The following FNIP2 variants were observed in gnomAD, a reference collection of about 807,000 sequenced individuals.
The protein encoded by FNIP2 is folliculin interacting protein 2.
Under a neutral mutation model 108.7 loss-of-function variants are expected in FNIP2, and 32 were observed. The ratio of observed to expected loss-of-function variants is 0.29; its 90% CI spans 0.22 to 0.40. The LOEUF is 0.40. Among genes scored for constraint, FNIP2 ranks in the 10% least tolerant of loss-of-function variants. FNIP2 has a pLI of 1.00. For synonymous variants in FNIP2, 480 were observed against 496.7 expected (o/e 0.97, Z 0.45); for missense variants, 1,202 against 1,381.6 (o/e 0.87, Z 2.06).
Position 158,901,128 on chromosome 4 carries a change from AT to A in FNIP2, c.3267-3316del, listed in dbSNP as rs140017298. On this transcript the variant is annotated intron_variant, in intron 16 of 16. Coordinates refer to ENST00000264433, the MANE Select transcript of FNIP2 (RefSeq NM_020840.3). ...GCTGGATATGAAATTCTGGGTTGAA[AT>A]TTTTTTTTTTTTTTTTTTTTTGAGA... 7.6e-3 allele frequency among the ~76,000 whole-genome samples: 855 copies of A among 112,278 alleles called. 11 individuals carry two copies. The highest frequency in any genetic ancestry group is 0.039 in the Admixed American group (389 of 10,096). The allele number at this position is 112,278 out of a possible 152,430, so 73.7% of individuals were successfully genotyped here.
chr4:158,833,981 GA>G, intron 6 of FNIP2: 1 of 787,926 alleles, frequency 1.3e-6, no homozygotes, highest in Non-Finnish European at 1.7e-6. Context: ...TGCCTCTCTA[GA>G]AATCCAAGGG....
intron 1 of FNIP2, among the ~76,000 whole-genome samples, chr4:158,815,407 G>A (rs1304864410): frequency 2.0e-5 from 3 of 148,506 alleles, no homozygotes; most frequent in East Asian, 3.9e-4. Context: ...TTTTGAGACG[G>A]AGTCTTGCTC....
At chr4:158,849,665 A>G (rs1481456411) in intron 7 of FNIP2, among the ~76,000 whole-genome samples, 5 of 151,970 alleles carry the variant, frequency 3.3e-5, no homozygotes, top group African/African-American at 1.2e-4. Flanking sequence ...CTCTCTTCTA[A>G]CTCCTTTCAA....
intron 1 of FNIP2, among the ~76,000 whole-genome samples, chr4:158,822,842 A>G (rs1578866841): frequency 6.6e-6 from 1 of 152,222 alleles, no homozygotes; most frequent in Non-Finnish European, 1.5e-5. Context: ...GGATCAAAAA[A>G]TGAGACAATC....
chr4:158,874,772 G>C (rs1781163018), intron 14 of FNIP2, among the ~76,000 whole-genome samples: 1 of 151,970 alleles, frequency 6.6e-6, no homozygotes, highest in Non-Finnish European at 1.5e-5. Context: ...GAAAATTACT[G>C]TCAGAGATAA....
chr4:158,892,520 G>GT (rs761693701), intron 15 of FNIP2, among the ~76,000 whole-genome samples: 25 of 152,282 alleles, frequency 1.6e-4, no homozygotes, highest in Non-Finnish European at 2.9e-4. Flanking sequence ...AATCTTCTCA[G>GT]TATCTGCGTA....
chr4:158,817,751 T>A (rs1777658224), intron 1 of FNIP2, among the ~76,000 whole-genome samples: 1 of 152,222 alleles, frequency 6.6e-6, no homozygotes, highest in Non-Finnish European at 1.5e-5. Context: ...TTTCACCATG[T>A]TGGCCATGCT....
intron 1 of FNIP2, among the ~76,000 whole-genome samples, chr4:158,795,156 C>T (rs1467046730): frequency 1.3e-5 from 2 of 152,196 alleles, no homozygotes; most frequent in African/African-American, 4.8e-5. Context: ...AGTTCTTTCT[C>T]AAAGGAGCAT....
chr4:158,875,093 A>G (rs986015509), intron 14 of FNIP2, among the ~76,000 whole-genome samples: 1 of 151,938 alleles, frequency 6.6e-6, no homozygotes, highest in Admixed American at 6.6e-5. Context: ...TCTCAAAAAA[A>G]AAAAAAAAGA....
chr4:158,774,033 G>A (rs947728762), intron 1 of FNIP2, among the ~76,000 whole-genome samples: 3 of 152,110 alleles, frequency 2.0e-5, no homozygotes, highest in African/African-American at 7.2e-5. Flanking sequence ...AAAGAAAAAT[G>A]TTCTCAATAG....
intron 16 of FNIP2, among the ~76,000 whole-genome samples, chr4:158,900,779 CTT>C (rs1258437424): frequency 6.6e-6 from 1 of 152,126 alleles, no homozygotes; most frequent in African/African-American, 2.4e-5. Flanking sequence ...GGTCTTGACT[CTT>C]TATCCAGTTT....
intron 14 of FNIP2, chr4:158,872,800 A>C: frequency 1.1e-6 from 1 of 951,826 alleles, no homozygotes; most frequent in Non-Finnish European, 1.3e-6. Context: ...TTGTTGAAAA[A>C]TATTTTAGGA....
intron 8 of FNIP2, 86 bp downstream of exon 8, chr4:158,851,536 T>A: frequency 1.3e-6 from 2 of 1,525,348 alleles, no homozygotes; most frequent in Non-Finnish European, 1.8e-6. Context: ...GTGCCTATTG[T>A]CAGTGGAAAA....
At chr4:158,799,316 G>A (rs1398731378) in intron 1 of FNIP2, among the ~76,000 whole-genome samples, 1 of 152,226 alleles carries the variant, frequency 6.6e-6, no homozygotes, top group Non-Finnish European at 1.5e-5. Flanking sequence ...GCTGGAGATA[G>A]CCAAGAGTTC....
chr4:158,820,838 A>G (rs572517161), intron 1 of FNIP2, among the ~76,000 whole-genome samples: 50 of 152,296 alleles, frequency 3.3e-4, no homozygotes, highest in Admixed American at 2.0e-3. Flanking sequence ...TAGGGTGCCT[A>G]CTAATTCAGT....
rs191529279 is a variant in FNIP2 at position 158,872,642 on chromosome 4, T to C, written c.2949+2173T>C. 1,106 of 985,114 alleles carry C rather than the reference T, an allele frequency of 1.1e-3. 1 individual carries two copies. The highest frequency in any genetic ancestry group is 1.1e-3 in the Non-Finnish European group (904 of 829,700). The allele number at this position is 985,114 out of a possible 1,614,324, so 61.0% of individuals were successfully genotyped here. On this transcript the variant is annotated intron_variant, in intron 14 of 16. Transcript: ENST00000264433. ...TCAGAATATATCCAATTAGCATTAG[T>C]GGATTTCTAATTTCACTTGACACAT...
rs1211894724 is a variant in FNIP2 at position 158,905,329 on chromosome 4, T to C, written c.*785T>C. The C allele has an allele frequency of 1.3e-5, 2 of 152,210 alleles. No individual in the cohort carries two copies. The highest frequency in any genetic ancestry group is 2.9e-5 in the Non-Finnish European group (2 of 68,038). The allele number at this position is 152,210 out of a possible 1,614,324, so 9.4% of individuals were successfully genotyped here. A position where few individuals can be genotyped will look rare whatever the true frequency, so the allele number is the denominator to read the frequency against. On this transcript the variant is annotated 3_prime_UTR_variant, in exon 17 of 17. Transcript: ENST00000264433. Reference sequence around the variant, plus strand: ...AGTCTGAAACCGTATGTTTTATCCTTATATTTTAGAGCTTTCAGCAGCCTT... The same window carrying C: ...AGTCTGAAACCGTATGTTTTATCCTCATATTTTAGAGCTTTCAGCAGCCTT...
At chr4:158,818,357 C>A (rs1422701789) in intron 1 of FNIP2, among the ~76,000 whole-genome samples, 2 of 152,182 alleles carry the variant, frequency 1.3e-5, no homozygotes, top group East Asian at 3.8e-4. Flanking sequence ...CAGTTATATT[C>A]AGGAAAATAT....
chr4:158,883,953 T>C, intron 14 of FNIP2, among the ~76,000 whole-genome samples: 1 of 146,350 alleles, frequency 6.8e-6, no homozygotes. Context: ...TAAGCTCTTT[T>C]TTTTTTTTTT....
Sources: allele counts gnomAD v4.1 joint callset (sites outside exome capture counted in the v4.1 genomes callset), GRCh38; gene constraint gnomAD v4.1.1; transcripts MANE v1.5; gene names NCBI Gene and HGNC (gene_info 2026-07-23, HGNC 2026-07-21).